The following SPON1 variants were observed in gnomAD, a reference collection of about 807,000 sequenced individuals.
The protein encoded by SPON1 is spondin-1.
Under a neutral mutation model 111.7 loss-of-function variants are expected in SPON1, and 52 were observed. That is an observed-to-expected ratio of 0.47 (90% CI 0.37 to 0.59). SPON1 has a LOEUF of 0.59. Among genes scored for constraint, SPON1 ranks in the 20% least tolerant of loss-of-function variants. The probability of loss-of-function intolerance (pLI) is 0.00; values close to 1 mark genes in which losing one functional copy is unlikely to be tolerated. For synonymous variants in SPON1, 410 were observed against 395.8 expected, an observed-to-expected ratio of 1.04 and a Z score of -0.43; for missense variants, 957 against 1,068.5, an observed-to-expected ratio of 0.90 and a Z score of 1.46.
intron 6 of SPON1, among the ~76,000 whole-genome samples, chr11:14,218,990 C>A (rs535127973): frequency 3.9e-4 from 59 of 152,252 alleles, no homozygotes; most frequent in Non-Finnish European, 7.9e-4. Context: ...GAATGGAGCA[C>A]GGACTTAGCT....
rs1847582334 is a variant in SPON1 at position 14,135,573 on chromosome 11, G to A, written c.825+5G>A. ...GAGGAAGAAATTCGACAACAGGTAA[G>A]ACAAAAAAATCACAGAATGACCAAA... On this transcript the variant is annotated splice_donor_5th_base_variant and intron_variant, in intron 6 of 15. Transcript: ENST00000576479. This position sits in a 1 kb window ranked among gnomAD's most constrained non-coding sequence, Gnocchi z 4.4. 9 of 1,610,788 alleles carry A rather than the reference G, an allele frequency of 5.6e-6. No homozygotes were observed. Among genetic ancestry groups the A allele is most frequent in the Non-Finnish European group, 7.6e-6 (9 of 1,178,136 alleles).
At chr11:14,041,461 A>G in intron 2 of SPON1, 60 bp from the exon 3 acceptor site, 1 of 1,588,510 alleles carries the variant, frequency 6.3e-7, no homozygotes, top group South Asian at 1.1e-5. Flanking sequence ...CCAACTTAGA[A>G]GCTTAAGCGC....
At chr11:13,968,374 G>A (rs1848035630) in intron 1 of SPON1, among the ~76,000 whole-genome samples, 1 of 152,146 alleles carries the variant, frequency 6.6e-6, no homozygotes, top group Non-Finnish European at 1.5e-5. Context: ...CTGTGTAGTT[G>A]GTGGCTACTT....
At chr11:14,258,593 G>C (rs769003130) in intron 11 of SPON1, among the ~76,000 whole-genome samples, 3 of 152,064 alleles carry the variant, frequency 2.0e-5, no homozygotes, top group African/African-American at 7.2e-5. Context: ...GGCTGGACTG[G>C]TGTATGGCAG....
intron 6 of SPON1, among the ~76,000 whole-genome samples, chr11:14,212,259 G>A (rs1288378684): frequency 5.9e-5 from 9 of 152,010 alleles, no homozygotes; most frequent in African/African-American, 2.2e-4. Flanking sequence ...TGAGCTTGGA[G>A]GAATCCATTA....
At chr11:14,190,993 T>TA (rs1281897537) in intron 6 of SPON1, among the ~76,000 whole-genome samples, 1 of 151,452 alleles carries the variant, frequency 6.6e-6, no homozygotes, top group Admixed American at 6.6e-5. Context: ...AAAAAGCACT[T>TA]ACAATCCCAT....
At chr11:13,963,627 C>T (rs1388543804) in intron 1 of SPON1, among the ~76,000 whole-genome samples, 5 of 151,764 alleles carry the variant, frequency 3.3e-5, no homozygotes, top group Non-Finnish European at 7.4e-5. Context: ...GGCGGGACAG[C>T]CACTCCGGCT....
rs560917491 is a variant in SPON1, at chr11:14,156,053, C to A, written c.825+20485C>A. Reference sequence around the variant, plus strand: ...CTAGGCCAAATGGTATTTCTAGATCCCTGAGGAATCACCACACTGACTTCC... The same window carrying A: ...CTAGGCCAAATGGTATTTCTAGATCACTGAGGAATCACCACACTGACTTCC... On this transcript the variant is annotated intron_variant, in intron 6 of 15. Coordinates refer to ENST00000576479, the MANE Select transcript of SPON1 (RefSeq NM_006108.4). 6.1e-3 allele frequency among the ~76,000 whole-genome samples: 715 copies of A among 117,652 alleles called. 50 individuals are homozygous for A. The highest frequency in any genetic ancestry group is 0.02 in the African/African-American group (662 of 33,300). 77.2% of individuals were successfully genotyped at this position (117,652 alleles called of 152,430 possible).
At chr11:14,086,077 C>T (rs1849003681) in intron 5 of SPON1, among the ~76,000 whole-genome samples, 1 of 152,166 alleles carries the variant, frequency 6.6e-6, no homozygotes, top group Non-Finnish European at 1.5e-5. Flanking sequence ...AATATACAAT[C>T]ATGTCATCTG....
intron 2 of SPON1, among the ~76,000 whole-genome samples, chr11:14,018,507 T>C (rs1848458865): frequency 6.6e-6 from 1 of 152,158 alleles, no homozygotes; most frequent in Non-Finnish European, 1.5e-5. Flanking sequence ...TGGATTGAGT[T>C]TGAAATATTG....
At chr11:14,204,038 G>C (rs963303239) in intron 6 of SPON1, among the ~76,000 whole-genome samples, 1 of 152,126 alleles carries the variant, frequency 6.6e-6, no homozygotes, top group Non-Finnish European at 1.5e-5. Flanking sequence ...GCCTATCTTC[G>C]GTGTAATGGC....
rs781952422 is a variant in SPON1, at chr11:14,257,853, A to G, written c.1447A>G (p.Thr483Ala). The G allele has an allele frequency of 6.3e-7, 1 of 1,584,756 alleles. No homozygotes were observed. The highest frequency in any genetic ancestry group is 8.6e-7 in the Non-Finnish European group (1 of 1,166,236). ...GGACCTCAGCGTCCCCTGCCCTGACACCCAGGACTTCCAGCCCTGCATGGG... is the reference window on the plus strand; with the variant it reads ...GGACCTCAGCGTCCCCTGCCCTGACGCCCAGGACTTCCAGCCCTGCATGGG... ...QLDLSVPCPD[T>A]QDFQPCMGPG... The change falls in exon 11 of 16, where the codon ACC becomes GCC. Residue 483 changes from threonine to alanine, a missense_variant. This residue lies in a region of SPON1 where 549 missense variants were observed against 606.2 expected (regional missense o/e 0.91). Coordinates refer to ENST00000576479, the MANE Select transcript of SPON1 (RefSeq NM_006108.4).
At chr11:14,155,475 C>T (rs1202865771) in intron 6 of SPON1, among the ~76,000 whole-genome samples, 3 of 149,792 alleles carry the variant, frequency 2.0e-5, no homozygotes, top group East Asian at 2.0e-4. Context: ...GGAGGTGCCA[C>T]ACACATCTAT....
chr11:14,152,103 G>A (rs75600549), intron 6 of SPON1, among the ~76,000 whole-genome samples: 1,841 of 152,274 alleles, frequency 0.012, 33 homozygotes, highest in African/African-American at 0.042. Context: ...GAGTCAGTCT[G>A]AGCTGGGGTG....
chr11:14,102,620 T>C (rs1849152915), intron 5 of SPON1, among the ~76,000 whole-genome samples: 1 of 152,208 alleles, frequency 6.6e-6, no homozygotes. Flanking sequence ...TGCATTTACT[T>C]GTCAGGTCTC....
At chr11:14,127,695 C>T (rs1004211813) in intron 5 of SPON1, among the ~76,000 whole-genome samples, 7 of 152,166 alleles carry the variant, frequency 4.6e-5, no homozygotes, top group Non-Finnish European at 8.8e-5. Context: ...TAACATAGGT[C>T]GAGACCTTGG....
At position 14,135,329 on chromosome 11, in the gene SPON1, G is replaced by C; in HGVS notation, c.677-91G>C. 7.1e-7 allele frequency: 1 copy of C among 1,414,376 alleles called. No individual in the cohort carries two copies. Among genetic ancestry groups the C allele is most frequent in the South Asian group, 1.3e-5 (1 of 76,384 alleles). The allele number at this position is 1,414,376 out of a possible 1,614,324, so 87.6% of individuals were successfully genotyped here. ...GTGCTTAGTCAGTGCTCTTTGAATC[G>C]ATGTCCAATTACGCATCCTCCCCAT... On this transcript the variant is annotated intron_variant, in intron 5 of 15. Coordinates refer to ENST00000576479, the MANE Select transcript of SPON1 (RefSeq NM_006108.4). The surrounding 1 kb of genome is among the most constrained non-coding windows in gnomAD (Gnocchi z 4.4).
intron 2 of SPON1, among the ~76,000 whole-genome samples, chr11:13,998,953 A>G (rs544006419): frequency 2.6e-5 from 4 of 152,348 alleles, no homozygotes; most frequent in East Asian, 1.9e-4. Flanking sequence ...TAAAAAGCCA[A>G]TAAGTTCCTG....
chr11:14,176,411 C>A (rs1449379709), intron 6 of SPON1, among the ~76,000 whole-genome samples: 2 of 152,084 alleles, frequency 1.3e-5, no homozygotes, highest in African/African-American at 2.4e-5. Context: ...TAGAAAGAGC[C>A]AACTGAGACC....
Sources: allele counts gnomAD v4.1 joint callset (sites outside exome capture counted in the v4.1 genomes callset), GRCh38; gene constraint gnomAD v4.1.1; regional missense constraint gnomAD v4.1.1; non-coding constraint Gnocchi (gnomAD v3.1); transcripts MANE v1.5; gene names NCBI Gene and HGNC (gene_info 2026-07-23, HGNC 2026-07-21).